Variants in TRAK1 observed in about 807,000 individuals in gnomAD.
TRAK1 encodes trafficking kinesin protein 1.
TRAK1 carries 33 observed loss-of-function variants against 92.1 expected under a neutral mutation model. That is an observed-to-expected ratio of 0.36 (90% CI 0.27 to 0.48). TRAK1 has a LOEUF of 0.48. Among genes scored for constraint, TRAK1 ranks in the 20% least tolerant of loss-of-function variants. The probability of loss-of-function intolerance (pLI) is 0.99; values close to 1 mark genes in which losing one functional copy is unlikely to be tolerated. For synonymous variants in TRAK1, 521 were observed against 517.3 expected (o/e 1.01, Z -0.10); for missense variants, 1,123 against 1,257.9 (o/e 0.89, Z 1.62).
chr3:42,183,553 T>TAAAAAAAAAAAAAA (rs11293523), intron 3 of TRAK1, among the ~76,000 whole-genome samples: 14 of 117,354 alleles, frequency 1.2e-4, no homozygotes, highest in African/African-American at 3.8e-4. Flanking sequence ...AGACTCTGTC[T>TAAAAAAAAAAAAAA]AAAAAAAAAA....
chr3:42,223,065 C>T lies in TRAK1; in HGVS notation c.2190C>T (p.Ser730=), dbSNP rs766933139. Residue 730 remains serine, a synonymous_variant, in exon 16 of 16, where the codon TCC becomes TCT. Coordinates refer to ENST00000327628, the MANE Select transcript of TRAK1 (RefSeq NM_001042646.3). The surrounding 1 kb of genome is among the most constrained non-coding windows in gnomAD (Gnocchi z 6.1). The part of the protein sequence containing the change: ...LAESFTNTRE[S]TTTMSTSLGL... Reference sequence around the variant, plus strand: ...AGTCCTTCACTAACACCCGTGAGTCCACGACCACCATGAGCACATCCCTGG... The same window carrying T: ...AGTCCTTCACTAACACCCGTGAGTCTACGACCACCATGAGCACATCCCTGG... The T allele has an allele frequency of 1.4e-5, 22 of 1,613,960 alleles. No individual in the cohort carries two copies. The highest frequency in any genetic ancestry group is 2.2e-5 in the East Asian group (1 of 44,890).
At chr3:42,196,634 T>G (rs1327005968) in intron 10 of TRAK1, among the ~76,000 whole-genome samples, 2 of 150,114 alleles carry the variant, frequency 1.3e-5, no homozygotes, top group African/African-American at 2.5e-5. Flanking sequence ...CTCTCCTGAG[T>G]TCAAGCGATT....
chr3:42,109,316 A>G (rs970176721), intron 1 of TRAK1, among the ~76,000 whole-genome samples: 4 of 152,226 alleles, frequency 2.6e-5, no homozygotes, highest in Non-Finnish European at 5.9e-5. Context: ...ATCAAACCCA[A>G]TAAAATCCAG....
intron 2 of TRAK1, among the ~76,000 whole-genome samples, chr3:42,130,839 T>C (rs1028284252): frequency 1.3e-5 from 2 of 152,186 alleles, no homozygotes; most frequent in Middle Eastern, 3.2e-3. Flanking sequence ...ATTGTTCACA[T>C]GGGGCCCCTG....
chr3:42,093,673 TCCCCTCCCCTC>T (rs1559755774), intron 1 of TRAK1, among the ~76,000 whole-genome samples: 6 of 6,362 alleles, frequency 9.4e-4, no homozygotes, highest in Non-Finnish European at 1.2e-3. Context: ...TTCCCTCCCC[TCCCCTCCCCTC>T]CCCTCCCCTC....
chr3:42,073,227 T>C (rs1704009657), intron 1 of TRAK1, among the ~76,000 whole-genome samples: 2 of 152,204 alleles, frequency 1.3e-5, no homozygotes, highest in Non-Finnish European at 2.9e-5. Flanking sequence ...GCAGTTGTCC[T>C]TGACCCTTTG....
intron 3 of TRAK1, among the ~76,000 whole-genome samples, chr3:42,181,675 G>A (rs56177084): frequency 0.059 from 8,918 of 152,318 alleles, 277 homozygotes; most frequent in Middle Eastern, 0.085. Flanking sequence ...TGAAGCAACT[G>A]CTGAGTGTTC....
At chr3:42,107,403 T>G (rs1201500081) in intron 1 of TRAK1, among the ~76,000 whole-genome samples, 1 of 151,848 alleles carries the variant, frequency 6.6e-6, no homozygotes, top group East Asian at 1.9e-4. Flanking sequence ...TCCCAGTTAC[T>G]TGGGAGGCTG....
At chr3:42,054,591 A>G (rs1703119121) in intron 1 of TRAK1, among the ~76,000 whole-genome samples, 1 of 152,182 alleles carries the variant, frequency 6.6e-6, no homozygotes, top group Non-Finnish European at 1.5e-5. Context: ...ATTCCATTGG[A>G]AGACTCAGCT....
rs531482583 is a variant in TRAK1, at chr3:42,097,915, C to T, written c.91+6355C>T. ...GGTTGTGGAGGTCTCACCTTGTAAA[C>T]TGCTGTGATACTGACAACTATGTGA... On this transcript the variant is annotated intron_variant, in intron 1 of 15. Coordinates refer to ENST00000327628, the MANE Select transcript of TRAK1 (RefSeq NM_001042646.3). Among the ~76,000 whole-genome samples the T allele has an allele frequency of 2.0e-5, 3 of 152,330 alleles. No homozygotes were observed. The South Asian group carries it at 6.2e-4, about 32-fold the overall frequency.
chr3:42,079,474 CTTCTTT>C (rs1704324138), intron 1 of TRAK1, among the ~76,000 whole-genome samples: 2 of 133,944 alleles, frequency 1.5e-5, no homozygotes, highest in East Asian at 2.2e-4. Flanking sequence ...GAAGCTCCTT[CTTCTTT>C]TTTTTTTTTT....
chr3:42,192,470 G>C (rs966363054), intron 7 of TRAK1, among the ~76,000 whole-genome samples: 3 of 152,104 alleles, frequency 2.0e-5, no homozygotes, highest in Non-Finnish European at 2.9e-5. Context: ...TTTCGTCAAA[G>C]TACTAAGTAT....
At chr3:42,191,534 C>G (rs1291304266) in intron 6 of TRAK1, 24 bp from the exon 7 acceptor site, 1 of 1,570,336 alleles carries the variant, frequency 6.4e-7, no homozygotes, top group Non-Finnish European at 8.6e-7. Flanking sequence ...AATGTGGGGC[C>G]TCTGACCTGG....
intron 2 of TRAK1, chr3:42,160,204 T>C: frequency 7.6e-7 from 1 of 1,322,020 alleles, no homozygotes; most frequent in Non-Finnish European, 9.8e-7. Flanking sequence ...TGTACACCCC[T>C]CCACTTCAGC....
chr3:42,038,563 A>T (rs1003729233), intron 1 of TRAK1, among the ~76,000 whole-genome samples: 7 of 152,132 alleles, frequency 4.6e-5, no homozygotes, highest in African/African-American at 1.4e-4. Flanking sequence ...AGGCGGGTGG[A>T]TCACCTGAGC....
intron 1 of TRAK1, among the ~76,000 whole-genome samples, chr3:42,115,079 C>T (rs1232882382): frequency 6.6e-6 from 1 of 152,128 alleles, no homozygotes; most frequent in African/African-American, 2.4e-5. Flanking sequence ...TTTTTATTTC[C>T]TAGCAAAACA....
intron 15 of TRAK1, among the ~76,000 whole-genome samples, chr3:42,221,356 C>A (rs879576288): frequency 1.3e-5 from 2 of 152,090 alleles, no homozygotes; most frequent in Non-Finnish European, 2.9e-5. Flanking sequence ...CATCCCCACC[C>A]CTGAGCTTGT....
At chr3:42,214,152 A>C (rs1272661015) in intron 14 of TRAK1, among the ~76,000 whole-genome samples, 2 of 152,190 alleles carry the variant, frequency 1.3e-5, no homozygotes, top group Non-Finnish European at 2.9e-5. Context: ...TGAACACTAC[A>C]GAGGGCCCCC....
chr3:42,040,680 CTT>C (rs569797970), intron 1 of TRAK1, among the ~76,000 whole-genome samples: 8 of 142,890 alleles, frequency 5.6e-5, no homozygotes, highest in Admixed American at 7.0e-5. Flanking sequence ...AGTACTACAC[CTT>C]TTTTTTTTTT....
Sources: gnomAD v4.1 joint callset for allele counts (sites outside exome capture counted in the v4.1 genomes callset) on GRCh38, gnomAD v4.1.1 for gene constraint, Gnocchi (gnomAD v3.1) non-coding constraint, MANE v1.5 for transcripts, NCBI Gene and HGNC (gene_info 2026-07-23, HGNC 2026-07-21) for gene names.